The following GRK3 variants were observed in gnomAD, a reference collection of about 807,000 sequenced individuals.
GRK3 encodes the protein adrenergic, beta, receptor kinase 2.
GRK3 carries 54 observed loss-of-function variants against 95.7 expected under a neutral mutation model. That is an observed-to-expected ratio of 0.56 (90% CI 0.45 to 0.71). The LOEUF is 0.71. GRK3 is among the 30% of genes least tolerant of loss of function. The probability of loss-of-function intolerance (pLI) is 0.00; values close to 1 mark genes in which losing one functional copy is unlikely to be tolerated. For synonymous variants in GRK3, 281 were observed against 290.8 expected (o/e 0.97, Z 0.34); for missense variants, 649 against 851.2 (o/e 0.76, Z 2.96).
chr22:25,567,450 G>A (rs1931530507), intron 1 of GRK3, among the ~76,000 whole-genome samples: 1 of 152,140 alleles, frequency 6.6e-6, no homozygotes, highest in Non-Finnish European at 1.5e-5. Flanking sequence ...TTGATTTGGA[G>A]GTTGGGGGTT....
intron 3 of GRK3, among the ~76,000 whole-genome samples, chr22:25,646,564 T>C (rs1453935726): frequency 1.3e-5 from 2 of 152,128 alleles, no homozygotes; most frequent in African/African-American, 2.4e-5. Context: ...TGAATACATA[T>C]GAAACACACC....
chr22:25,575,166 T>A (rs1050979950), intron 1 of GRK3, among the ~76,000 whole-genome samples: 2 of 152,240 alleles, frequency 1.3e-5, no homozygotes, highest in African/African-American at 4.8e-5. Context: ...TTCTGTCCTT[T>A]AAGTAAGGTG....
Position 25,649,668 on chromosome 22 carries a change from A to G in GRK3, c.264+5003A>G, listed in dbSNP as rs183557316. Among the ~76,000 whole-genome samples the G allele has an allele frequency of 2.9e-3, 439 of 152,334 alleles. 2 individuals are homozygous for G. The highest frequency in any genetic ancestry group is 3.4e-3 in the Non-Finnish European group (232 of 68,034). ...GAATATCATGGGACCAAATAATTCCATTCCAGTTTTTTAAACTTTCTTATA... is the reference window on the plus strand; with the variant it reads ...GAATATCATGGGACCAAATAATTCCGTTCCAGTTTTTTAAACTTTCTTATA... On this transcript the variant is annotated intron_variant, in intron 3 of 20. Coordinates refer to ENST00000324198, the MANE Select transcript of GRK3 (RefSeq NM_005160.4).
At chr22:25,657,266 T>A (rs557039999) in intron 3 of GRK3, among the ~76,000 whole-genome samples, 20 of 152,362 alleles carry the variant, frequency 1.3e-4, no homozygotes, top group Admixed American at 8.5e-4. Context: ...CTAGTTGTTC[T>A]ATCAATTGCT....
intron 2 of GRK3, among the ~76,000 whole-genome samples, chr22:25,626,324 G>A (rs1389517931): frequency 6.6e-6 from 1 of 152,220 alleles, no homozygotes; most frequent in Non-Finnish European, 1.5e-5. Context: ...TGTTGGGATG[G>A]GTGATAGGAT....
intron 1 of GRK3, chr22:25,580,425 G>C (rs996817323): frequency 1.3e-5 from 2 of 152,174 alleles, no homozygotes; most frequent in Admixed American, 1.3e-4. Context: ...AATTTGAAGG[G>C]GGAGTTGGGA....
chr22:25,675,766 T>C, intron 8 of GRK3, among the ~76,000 whole-genome samples: 1 of 152,156 alleles, frequency 6.6e-6, no homozygotes, highest in Non-Finnish European at 1.5e-5. Flanking sequence ...GTCCAATGGA[T>C]GATATGTTTT....
At chr22:25,670,314 C>G (rs539292305) in intron 6 of GRK3, among the ~76,000 whole-genome samples, 1 of 152,080 alleles carries the variant, frequency 6.6e-6, no homozygotes, top group East Asian at 1.9e-4. Flanking sequence ...TACAACATAG[C>G]AACACCCACT....
At chr22:25,669,095 T>C (rs1026782241) in intron 6 of GRK3, among the ~76,000 whole-genome samples, 1 of 152,188 alleles carries the variant, frequency 6.6e-6, no homozygotes, top group Non-Finnish European at 1.5e-5. Context: ...AAAGAATTCA[T>C]GTCAGGTGAT....
At chr22:25,711,379 T>C (rs1238115900) in intron 17 of GRK3, among the ~76,000 whole-genome samples, 1 of 152,174 alleles carries the variant, frequency 6.6e-6, no homozygotes, top group Non-Finnish European at 1.5e-5. Context: ...AGGAACTACA[T>C]GGTAAAATAT....
intron 10 of GRK3, among the ~76,000 whole-genome samples, chr22:25,687,332 T>C (rs1569195473): frequency 6.6e-6 from 1 of 152,086 alleles, no homozygotes; most frequent in Non-Finnish European, 1.5e-5. Flanking sequence ...GTCCTTCCTG[T>C]CATTGTATTT....
At chr22:25,609,319 A>G (rs2084477074) in intron 2 of GRK3, among the ~76,000 whole-genome samples, 1 of 151,840 alleles carries the variant, frequency 6.6e-6, no homozygotes, top group Non-Finnish European at 1.5e-5. Flanking sequence ...AACTATAAGA[A>G]GACTCCAAAA....
At chr22:25,648,410 T>G in intron 3 of GRK3, 1 of 1,286,004 alleles carries the variant, frequency 7.8e-7, no homozygotes, top group Admixed American at 1.7e-5. Context: ...CAAAAGATGC[T>G]TGGGAAATCC....
chr22:25,648,137 G>T, intron 3 of GRK3: 1 of 633,216 alleles, frequency 1.6e-6, no homozygotes, highest in South Asian at 1.8e-5. Context: ...TAAGCAAACA[G>T]AACAAAACAA....
chr22:25,569,240 TCTTG>T (rs1158115970), intron 1 of GRK3, among the ~76,000 whole-genome samples: 1 of 152,250 alleles, frequency 6.6e-6, no homozygotes, highest in Admixed American at 6.5e-5. Context: ...ACAGTAGTGT[TCTTG>T]CTTCTTTTTC....
At position 25,640,908 on chromosome 22, in the gene GRK3, G is replaced by A. The variant is rs146183996; in HGVS notation, c.191-3684G>A. 8.6e-3 allele frequency among the ~76,000 whole-genome samples: 1,317 copies of A among 152,286 alleles called. 8 individuals are homozygous for A. The highest frequency in any genetic ancestry group is 0.02 in the Middle Eastern group (6 of 294). ...CTCTTTAAGATCTGGAGAAATTGCA[G>A]CGATGAAGTGAACTTGTTAGGCAAA... is the stretch of plus-strand genomic sequence containing the variant. On this transcript the variant is annotated intron_variant, in intron 2 of 20. Coordinates refer to ENST00000324198, the MANE Select transcript of GRK3 (RefSeq NM_005160.4).
In GRK3 at chr22:25,644,640, T is replaced by C; in HGVS notation, c.239T>C (p.Val80Ala). 1 of 1,573,536 alleles carries C rather than the reference T, an allele frequency of 6.4e-7. No homozygotes were observed. Among genetic ancestry groups the C allele is most frequent in the Non-Finnish European group, 8.7e-7 (1 of 1,148,586 alleles). ...DFCLNEINEAVPQVKFYEEIK... is the reference protein window; with the variant it reads ...DFCLNEINEAAPQVKFYEEIK... ...TGTTTGAATGAAATTAATGAAGCTG[T>C]ACCTCAGGTGAAGTTTTATGAAGAG... Residue 80 changes from valine to alanine, a missense_variant, in exon 3 of 21, where the codon GTA (valine) becomes GCA (alanine). By Grantham distance (64) the Val-to-Ala change is moderately conservative. Coordinates refer to ENST00000324198, the MANE Select transcript of GRK3 (RefSeq NM_005160.4).
At chr22:25,643,036 T>C (rs1336636770) in intron 2 of GRK3, among the ~76,000 whole-genome samples, 4 of 152,128 alleles carry the variant, frequency 2.6e-5, no homozygotes, top group Non-Finnish European at 5.9e-5. Context: ...GAAATTAAAC[T>C]ACACCCTTCT....
chr22:25,681,393 C>T (rs969487244), intron 9 of GRK3, among the ~76,000 whole-genome samples: 1 of 152,204 alleles, frequency 6.6e-6, no homozygotes. Flanking sequence ...TCAGCGAATG[C>T]CTTTCTGAAG....
Sources: allele counts gnomAD v4.1 joint callset (sites outside exome capture counted in the v4.1 genomes callset), GRCh38; gene constraint gnomAD v4.1.1; transcripts MANE v1.5; gene names NCBI Gene and HGNC (gene_info 2026-07-23, HGNC 2026-07-21).